PPP4R3A: variants seen among roughly 807,000 people sequenced by gnomAD.
PPP4R3A encodes serine/threonine-protein phosphatase 4 regulatory subunit 3A.
PPP4R3A carries 15 observed loss-of-function variants against 91.7 expected under a neutral mutation model. The observed-to-expected ratio is 0.16, with a 90% CI of 0.11 to 0.25. The LOEUF is 0.25. Among genes scored for constraint, PPP4R3A ranks in the 10% least tolerant of loss-of-function variants. The pLI is 1.00. For synonymous variants in PPP4R3A, 377 were observed against 348.7 expected (o/e 1.08, Z -0.91); for missense variants, 623 against 998.4 (o/e 0.62, Z 5.07).
At chr14:91,506,094 C>T (rs1360117904) in intron 1 of PPP4R3A, among the ~76,000 whole-genome samples, 4 of 151,850 alleles carry the variant, frequency 2.6e-5, no homozygotes, top group African/African-American at 7.3e-5. Context: ...TACAGGCGCC[C>T]GCCACCACAC....
intron 14 of PPP4R3A, among the ~76,000 whole-genome samples, chr14:91,460,899 G>T (rs12100936): frequency 0.37 from 56,650 of 151,874 alleles, 10,782 homozygotes; most frequent in East Asian, 0.47. Flanking sequence ...GATTACAGGC[G>T]TGAGCCACCG....
chr14:91,504,323 A>G (rs978389671), intron 1 of PPP4R3A, among the ~76,000 whole-genome samples: 6 of 141,860 alleles, frequency 4.2e-5, no homozygotes, highest in Non-Finnish European at 9.2e-5. Context: ...GCTCTTAAAA[A>G]TTAAAAAAAA....
rs1887873833 is a variant in PPP4R3A at position 91,458,050 on chromosome 14, T to C, written c.*709A>G. 6.6e-6 allele frequency: 1 copy of C among 152,176 alleles called. No homozygotes were observed. The highest frequency in any genetic ancestry group is 1.5e-5 in the Non-Finnish European group (1 of 68,076). The allele number at this position is 152,176 out of a possible 1,614,324, so 9.4% of individuals were successfully genotyped here. ...AAGTTTTAATGGTCCCAAATATATATACTCAACAACTAAGCATACACTCAG... is the reference window on the plus strand; with the variant it reads ...AAGTTTTAATGGTCCCAAATATATACACTCAACAACTAAGCATACACTCAG... On this transcript the variant is annotated 3_prime_UTR_variant, in exon 15 of 15. Coordinates refer to ENST00000554943, the MANE Select transcript of PPP4R3A (RefSeq NM_001366432.2).
At chr14:91,495,929 AACAAAACAC>A (rs200882292) in intron 1 of PPP4R3A, among the ~76,000 whole-genome samples, 94 of 39,578 alleles carry the variant, frequency 2.4e-3, no homozygotes, top group Middle Eastern at 0.021. Flanking sequence ...AAAAAAACAA[AACAAAACAC>A]ACACACACAC....
chr14:91,498,663 C>T (rs1481190693), intron 1 of PPP4R3A, among the ~76,000 whole-genome samples: 2 of 151,876 alleles, frequency 1.3e-5, no homozygotes, highest in Admixed American at 6.6e-5. Flanking sequence ...GCTTGTAATC[C>T]CAGCACTTTG....
chr14:91,508,321 G>A (rs1249607439), intron 1 of PPP4R3A, among the ~76,000 whole-genome samples: 3 of 152,166 alleles, frequency 2.0e-5, no homozygotes, highest in Non-Finnish European at 4.4e-5. Flanking sequence ...TATTCCCAGA[G>A]TCTTCAATTA....
chr14:91,507,787 GTATT>G (rs1891505782), intron 1 of PPP4R3A, among the ~76,000 whole-genome samples: 1 of 151,538 alleles, frequency 6.6e-6, no homozygotes, highest in Non-Finnish European at 1.5e-5. Context: ...AAGGTTATAT[GTATT>G]ATTTTTAATA....
Position 91,475,879 on chromosome 14 carries a change from C to G in PPP4R3A, c.1198G>C (p.Val400Leu). 6.2e-7 allele frequency: 1 copy of G among 1,613,816 alleles called. No homozygotes were observed. The highest frequency in any genetic ancestry group is 8.5e-7 in the Non-Finnish European group (1 of 1,179,922). ...EYNPSMVREF[V>L]MQEAQQNDDV... ...TCATTCTGTTGTGCCTCCTGCATGA[C>G]AAACTCTCGTACCATGGATGGATTA... The change falls in exon 7 of 15, where the codon GTC becomes CTC. Residue 400 changes from valine to leucine, a missense_variant. By Grantham distance (32) the Val-to-Leu change is conservative (BLOSUM62 1). Transcript: ENST00000554943.
chr14:91,495,560 C>A (rs1257101123), intron 1 of PPP4R3A, among the ~76,000 whole-genome samples: 1 of 151,820 alleles, frequency 6.6e-6, no homozygotes, highest in African/African-American at 2.4e-5. Flanking sequence ...CTAATGGGCA[C>A]ATGATTTTTT....
intron 1 of PPP4R3A, among the ~76,000 whole-genome samples, chr14:91,493,131 G>C (rs1360624382): frequency 6.6e-6 from 1 of 152,128 alleles, no homozygotes; most frequent in Non-Finnish European, 1.5e-5. Context: ...GCTCACGCCT[G>C]TAATCCCAGC....
rs372734641 is a variant in PPP4R3A at position 91,458,623 on chromosome 14, C to G, written c.*136G>C. Reference sequence around the variant, plus strand: ...CTCCATTGAATTGGCACTTGATGAGCAGAAGTCAAGTGTAAGAGGCTGATC... The same window carrying G: ...CTCCATTGAATTGGCACTTGATGAGGAGAAGTCAAGTGTAAGAGGCTGATC... On this transcript the variant is annotated 3_prime_UTR_variant, in exon 15 of 15. Transcript: ENST00000554943. 2.4e-6 allele frequency: 3 copies of G among 1,252,144 alleles called. No homozygotes were observed. The highest frequency in any genetic ancestry group is 3.0e-5 in the African/African-American group (2 of 67,710). The allele number at this position is 1,252,144 out of a possible 1,614,324, so 77.6% of individuals were successfully genotyped here. A position where few individuals can be genotyped will look rare whatever the true frequency, so the allele number is the denominator to read the frequency against.
At chr14:91,494,491 T>A (rs1890419630) in intron 1 of PPP4R3A, among the ~76,000 whole-genome samples, 1 of 152,168 alleles carries the variant, frequency 6.6e-6, no homozygotes. Context: ...TAGAAATTTA[T>A]CCAAAACGGA....
rs925901344 is a variant in PPP4R3A, at chr14:91,473,522, A to G, written c.1267-152T>C. 4 of 815,408 alleles carry G rather than the reference A, an allele frequency of 4.9e-6. No homozygotes were observed. The African/African-American group carries it at 5.2e-5, about 11-fold the overall frequency. 50.5% of individuals were successfully genotyped at this position (815,408 alleles called of 1,614,324 possible). A position where few individuals can be genotyped will look rare whatever the true frequency, so the allele number is the denominator to read the frequency against. Reference sequence around the variant, plus strand: ...TTAACTCAGTTATCTGACAGGACATATGACAGTGTTTCATTCCCTAAAGTG... The same window carrying G: ...TTAACTCAGTTATCTGACAGGACATGTGACAGTGTTTCATTCCCTAAAGTG... On this transcript the variant is annotated intron_variant, in intron 7 of 14. Coordinates refer to ENST00000554943, the MANE Select transcript of PPP4R3A (RefSeq NM_001366432.2).
chr14:91,497,000 T>C (rs1890615831), intron 1 of PPP4R3A, among the ~76,000 whole-genome samples: 1 of 152,214 alleles, frequency 6.6e-6, no homozygotes, highest in African/African-American at 2.4e-5. Context: ...TTTGTTGCTA[T>C]AGCTACAGTA....
At chr14:91,487,687 C>G (rs773363736) in intron 2 of PPP4R3A, among the ~76,000 whole-genome samples, 11 of 150,830 alleles carry the variant, frequency 7.3e-5, no homozygotes, top group Non-Finnish European at 1.6e-4. Flanking sequence ...AGTTTCTAAT[C>G]TTTCTCACTA....
At chr14:91,489,422 A>T (rs963335048) in intron 2 of PPP4R3A, among the ~76,000 whole-genome samples, 2 of 152,230 alleles carry the variant, frequency 1.3e-5, no homozygotes, top group African/African-American at 4.8e-5. Flanking sequence ...TGCTTAAGTC[A>T]GGGTATAGCC....
At chr14:91,472,995 A>G in intron 9 of PPP4R3A, 38 bp downstream of exon 9, 1 of 1,587,390 alleles carries the variant, frequency 6.3e-7, no homozygotes, top group East Asian at 2.2e-5. Flanking sequence ...TCAGCATTCA[A>G]GAACAGAGAA....
At chr14:91,483,628 CA>C (rs1411593649) in intron 3 of PPP4R3A, among the ~76,000 whole-genome samples, 1 of 152,122 alleles carries the variant, frequency 6.6e-6, no homozygotes, top group African/African-American at 2.4e-5. Flanking sequence ...AATTGGTGAA[CA>C]TGGTTCAAGA....
chr14:91,468,398 C>T (rs538165409), intron 10 of PPP4R3A, among the ~76,000 whole-genome samples: 1 of 152,050 alleles, frequency 6.6e-6, no homozygotes, highest in East Asian at 1.9e-4. Flanking sequence ...GTAGGCTGGG[C>T]GCCATGGCTC....
Sources: allele counts gnomAD v4.1 joint callset (sites outside exome capture counted in the v4.1 genomes callset), GRCh38; gene constraint gnomAD v4.1.1; transcripts MANE v1.5; gene names NCBI Gene and HGNC (gene_info 2026-07-23, HGNC 2026-07-21).